Variants in PARD3B observed in about 807,000 individuals in gnomAD.
PARD3B encodes partitioning defective 3 homolog B.
A neutral mutation model predicts 130.2 loss-of-function variants in PARD3B; 103 were observed. The observed-to-expected ratio is 0.79, with a 90% CI of 0.67 to 0.93. The LOEUF is 0.93. PARD3B is among the 40% of genes least tolerant of loss of function. The pLI is 0.00. For missense variants in PARD3B, 1,609 were observed against 1,499.2 expected, an observed-to-expected ratio of 1.07 and a Z score of -1.21; for synonymous variants, 583 against 553.2, an observed-to-expected ratio of 1.05 and a Z score of -0.76.
At chr2:205,511,119 G>A (rs922875487) in intron 21 of PARD3B, among the ~76,000 whole-genome samples, 2 of 116,126 alleles carry the variant, frequency 1.7e-5, no homozygotes, top group Admixed American at 1.0e-4. Context: ...TTCTATCTTT[G>A]TTGAACTACT....
chr2:205,368,860 C>CA (rs76938901), intron 18 of PARD3B, among the ~76,000 whole-genome samples: 105 of 146,988 alleles, frequency 7.1e-4, no homozygotes, highest in African/African-American at 9.5e-4. Flanking sequence ...CTTGGGAAAA[C>CA]AAAAAAAAAA....
chr2:205,488,373 A>G (rs574919853), intron 20 of PARD3B, among the ~76,000 whole-genome samples: 7 of 152,228 alleles, frequency 4.6e-5, no homozygotes, highest in African/African-American at 1.7e-4. Context: ...TGCTCCTATA[A>G]GAATCTAATG....
chr2:205,028,706 C>T (rs1208839224), intron 3 of PARD3B, among the ~76,000 whole-genome samples: 3 of 152,084 alleles, frequency 2.0e-5, no homozygotes, highest in South Asian at 2.1e-4. Context: ...AAACAAAAGA[C>T]ATCCGAATTA....
intron 2 of PARD3B, among the ~76,000 whole-genome samples, chr2:204,877,527 C>A (rs1269297933): frequency 6.6e-6 from 1 of 152,092 alleles, no homozygotes; most frequent in East Asian, 1.9e-4. Flanking sequence ...TTTTTGATAA[C>A]TATAAGGTCC....
At chr2:204,833,953 C>T (rs777457318) in intron 2 of PARD3B, among the ~76,000 whole-genome samples, 5 of 152,172 alleles carry the variant, frequency 3.3e-5, no homozygotes, top group African/African-American at 9.7e-5. Context: ...TGCTCCCATG[C>T]CACAATCGCA....
Position 205,011,322 on chromosome 2 carries a change from G to T in PARD3B, c.395-36259G>T, listed in dbSNP as rs1035738831. Among the ~76,000 whole-genome samples, 1 of 152,232 alleles carries T rather than the reference G, an allele frequency of 6.6e-6. No homozygotes were observed. Among genetic ancestry groups the T allele is most frequent in the Non-Finnish European group, 1.5e-5 (1 of 68,010 alleles). On this transcript the variant is annotated intron_variant, in intron 3 of 22. Transcript: ENST00000406610. The surrounding 1 kb of genome is among the most constrained non-coding windows in gnomAD (Gnocchi z 4.1). Reference sequence around the variant, plus strand: ...TGTCATCTCAAGGATGGGTCAGAGGGCTCACTCCTCAGCTCACATGTGTGG... The same window carrying T: ...TGTCATCTCAAGGATGGGTCAGAGGTCTCACTCCTCAGCTCACATGTGTGG...
At chr2:204,934,328 G>T (rs1478688933) in intron 2 of PARD3B, among the ~76,000 whole-genome samples, 1 of 152,224 alleles carries the variant, frequency 6.6e-6, no homozygotes, top group African/African-American at 2.4e-5. Context: ...GGGAGGACAT[G>T]TAGATTCATT....
chr2:205,478,287 G>A (rs1381307087), intron 20 of PARD3B, among the ~76,000 whole-genome samples: 1 of 152,156 alleles, frequency 6.6e-6, no homozygotes, highest in East Asian at 1.9e-4. Flanking sequence ...CTGTCTGTGT[G>A]TCTCTCCTCC....
At chr2:205,454,318 G>T (rs1209032775) in intron 20 of PARD3B, among the ~76,000 whole-genome samples, 2 of 152,048 alleles carry the variant, frequency 1.3e-5, no homozygotes, top group African/African-American at 4.8e-5. Flanking sequence ...TCAAGAATAG[G>T]CCATTGTTAG....
chr2:205,539,941 A>T (rs1180079789), intron 21 of PARD3B, among the ~76,000 whole-genome samples: 4 of 152,174 alleles, frequency 2.6e-5, no homozygotes, highest in Non-Finnish European at 5.9e-5. Flanking sequence ...GTAACTCAGG[A>T]ACAGAGGGGA....
intron 1 of PARD3B, among the ~76,000 whole-genome samples, chr2:204,607,115 G>C (rs1422731197): frequency 2.0e-5 from 3 of 152,066 alleles, no homozygotes; most frequent in Non-Finnish European, 4.4e-5. Context: ...GTTCTACCAA[G>C]TTAAGCGTGT....
chr2:204,637,310 CAAGA>C (rs2034919818), intron 1 of PARD3B, among the ~76,000 whole-genome samples: 1 of 151,972 alleles, frequency 6.6e-6, no homozygotes. Context: ...AATAGTTTTC[CAAGA>C]AAGATACATT....
At chr2:204,796,706 A>G (rs2042386836) in intron 2 of PARD3B, among the ~76,000 whole-genome samples, 1 of 152,238 alleles carries the variant, frequency 6.6e-6, no homozygotes, top group South Asian at 2.1e-4. Context: ...CTAGAGGTTC[A>G]TTAGCTTTTC....
At chr2:204,670,999 G>T (rs1241091683) in intron 1 of PARD3B, among the ~76,000 whole-genome samples, 1 of 152,080 alleles carries the variant, frequency 6.6e-6, no homozygotes, top group African/African-American at 2.4e-5. Context: ...GATCACATCA[G>T]GATTGGTTTT....
chr2:204,606,998 A>G lies in PARD3B; in HGVS notation c.120+60879A>G, dbSNP rs1013391548. 2.0e-5 allele frequency among the ~76,000 whole-genome samples: 3 copies of G among 152,140 alleles called. No individual in the cohort carries two copies. The highest frequency in any genetic ancestry group is 2.9e-5 in the Non-Finnish European group (2 of 68,028). On this transcript the variant is annotated intron_variant, in intron 1 of 22. Transcript: ENST00000406610. This position sits in a 1 kb window ranked among gnomAD's most constrained non-coding sequence, Gnocchi z 4.0. ...CACTTTGATTCTTGCTTTAAAGTAC[A>G]TACTGGTTAGCAAGACTTGAGATTG...
chr2:204,809,686 C>T (rs2042896491), intron 2 of PARD3B, among the ~76,000 whole-genome samples: 1 of 152,090 alleles, frequency 6.6e-6, no homozygotes, highest in African/African-American at 2.4e-5. Context: ...ATGCCTCCAG[C>T]TTTGTTCTTT....
At chr2:205,404,169 C>T (rs1015083477) in intron 19 of PARD3B, among the ~76,000 whole-genome samples, 2 of 152,302 alleles carry the variant, frequency 1.3e-5, no homozygotes, top group Non-Finnish European at 2.9e-5. Flanking sequence ...TCTTCCACAT[C>T]TGTGGATTCA....
At chr2:204,848,393 G>A (rs1190267564) in intron 2 of PARD3B, among the ~76,000 whole-genome samples, 1 of 152,072 alleles carries the variant, frequency 6.6e-6, no homozygotes, top group African/African-American at 2.4e-5. Context: ...AAATATTACT[G>A]CACTGTTTTC....
intron 1 of PARD3B, among the ~76,000 whole-genome samples, chr2:204,628,277 C>CGT (rs1553554584): frequency 2.7e-4 from 21 of 78,644 alleles, no homozygotes; most frequent in African/African-American, 6.6e-4. Flanking sequence ...TCTAAATTCC[C>CGT]GTTTTTTTTT....
Sources: gnomAD v4.1 joint callset for allele counts (sites outside exome capture counted in the v4.1 genomes callset) on GRCh38, gnomAD v4.1.1 for gene constraint, Gnocchi (gnomAD v3.1) non-coding constraint, MANE v1.5 for transcripts, NCBI Gene and HGNC (gene_info 2026-07-23, HGNC 2026-07-21) for gene names.